The following GALNT13 variants were observed in gnomAD, a reference collection of about 807,000 sequenced individuals.
GALNT13 encodes polypeptide N-acetylgalactosaminyltransferase 13.
In GALNT13, 28 loss-of-function variants were observed where a neutral mutation model predicts 64.2. The observed-to-expected ratio is 0.44, with a 90% CI of 0.32 to 0.60. GALNT13 has a LOEUF of 0.60. Ranked by LOEUF, GALNT13 falls within the 20% of genes least tolerant of loss-of-function variation. The pLI, the probability that GALNT13 is intolerant of heterozygous loss-of-function variation, is 0.05. For missense variants in GALNT13, 577 were observed against 669.8 expected (o/e 0.86, Z 1.53); for synonymous variants, 214 against 224.6 (o/e 0.95, Z 0.42).
the GALNT13 span, among the ~76,000 whole-genome samples, chr2:153,305,165 T>G: frequency 6.6e-6 from 1 of 152,096 alleles, no homozygotes; most frequent in Non-Finnish European, 1.5e-5. Flanking sequence ...AGGTGCTTCG[T>G]GTATTGTGGT....
At chr2:153,754,448 C>T in the GALNT13 span, among the ~76,000 whole-genome samples, 2 of 152,112 alleles carry the variant, frequency 1.3e-5, no homozygotes, top group African/African-American at 2.4e-5. Context: ...CACTGGGTTC[C>T]CTTCTGGCCC....
chr2:153,726,952 A>T, the GALNT13 span, among the ~76,000 whole-genome samples: 18 of 120,172 alleles, frequency 1.5e-4, 1 homozygote, highest in East Asian at 2.7e-3. Flanking sequence ...AAAAAAAAAA[A>T]AAAACAAAAA....
chr2:154,352,660 A>G (rs1186308032), intron 9 of GALNT13, among the ~76,000 whole-genome samples: 1 of 152,218 alleles, frequency 6.6e-6, no homozygotes, highest in East Asian at 1.9e-4. Flanking sequence ...TAACTTGCCA[A>G]CACCACATTC....
At chr2:153,837,226 T>A in the GALNT13 span, among the ~76,000 whole-genome samples, 5 of 152,154 alleles carry the variant, frequency 3.3e-5, no homozygotes, top group African/African-American at 4.8e-5. Context: ...GATACCTCAT[T>A]GTGGTTTTGA....
chr2:153,502,874 TG>T, the GALNT13 span, among the ~76,000 whole-genome samples: 23 of 152,308 alleles, frequency 1.5e-4, no homozygotes, highest in Non-Finnish European at 2.2e-4. Context: ...TTTGGCCATT[TG>T]TATGTCTTCT....
chr2:153,970,386 T>C (rs1693659327), intron 3 of GALNT13, among the ~76,000 whole-genome samples: 1 of 152,180 alleles, frequency 6.6e-6, no homozygotes, highest in Non-Finnish European at 1.5e-5. Flanking sequence ...CCTGGTTTTC[T>C]ACCTCACTGA....
chr2:153,604,600 A>G, the GALNT13 span, among the ~76,000 whole-genome samples: 2 of 152,048 alleles, frequency 1.3e-5, no homozygotes, highest in Non-Finnish European at 2.9e-5. Context: ...CATACTTATT[A>G]GTTGGATTAT....
chr2:154,090,673 C>T (rs1701760279), intron 3 of GALNT13, among the ~76,000 whole-genome samples: 2 of 151,954 alleles, frequency 1.3e-5, no homozygotes, highest in Admixed American at 1.3e-4. Flanking sequence ...AGATATTCAA[C>T]TCAAATTTCC....
chr2:153,240,672 G>A, the GALNT13 span, among the ~76,000 whole-genome samples: 84 of 152,244 alleles, frequency 5.5e-4, no homozygotes, highest in Non-Finnish European at 8.8e-5. Context: ...GCTTCATGGC[G>A]AGGTTTATGT....
chr2:154,452,032 G>T lies in GALNT13; in HGVS notation c.*1481G>T, dbSNP rs963583942. ...TACACTGCTTTATAATGAAAATGAG[G>T]ACACTTTCTGATGGTCAGTAAAATC... On this transcript the variant is annotated 3_prime_UTR_variant, in exon 13 of 13. Transcript: ENST00000392825. The T allele has an allele frequency of 6.6e-6, 1 of 151,990 alleles. No individual in the cohort carries two copies. Among genetic ancestry groups the T allele is most frequent in the Non-Finnish European group, 1.5e-5 (1 of 67,990 alleles). The allele number at this position is 151,990 out of a possible 1,614,324, so 9.4% of individuals were successfully genotyped here. A position where few individuals can be genotyped will look rare whatever the true frequency, so the allele number is the denominator to read the frequency against.
At chr2:154,217,052 A>G (rs939696261) in intron 4 of GALNT13, among the ~76,000 whole-genome samples, 3 of 151,556 alleles carry the variant, frequency 2.0e-5, no homozygotes, top group Admixed American at 2.0e-4. Context: ...CGCAGCTTCC[A>G]AAAGCACTAA....
At chr2:154,359,074 T>G (rs1352585148) in intron 9 of GALNT13, among the ~76,000 whole-genome samples, 3 of 152,102 alleles carry the variant, frequency 2.0e-5, no homozygotes, top group Admixed American at 6.6e-5. Flanking sequence ...TAAAGTTTGG[T>G]GAATCAGAAC....
At chr2:154,058,056 A>G (rs937215885) in intron 3 of GALNT13, among the ~76,000 whole-genome samples, 22 of 152,126 alleles carry the variant, frequency 1.4e-4, no homozygotes, top group Non-Finnish European at 2.2e-4. Context: ...CCTGCCCCCA[A>G]TGTTATAGTA....
the GALNT13 span, among the ~76,000 whole-genome samples, chr2:153,207,092 A>T: frequency 6.6e-6 from 1 of 152,122 alleles, no homozygotes; most frequent in Admixed American, 6.5e-5. Flanking sequence ...TATCTTATAA[A>T]TGTTTTGCAT....
chr2:153,905,309 C>T (rs992786635), intron 2 of GALNT13, among the ~76,000 whole-genome samples: 6 of 151,882 alleles, frequency 4.0e-5, no homozygotes, highest in African/African-American at 1.4e-4. Flanking sequence ...ACTGGGGACA[C>T]ATTCCAAGAT....
chr2:153,918,748 C>T (rs1349398322), intron 2 of GALNT13, among the ~76,000 whole-genome samples: 2 of 152,128 alleles, frequency 1.3e-5, no homozygotes, highest in Non-Finnish European at 2.9e-5. Context: ...CTGATTCCTT[C>T]CTCTTGGCAT....
chr2:153,487,430 A>G, the GALNT13 span, among the ~76,000 whole-genome samples: 1 of 152,198 alleles, frequency 6.6e-6, no homozygotes, highest in Non-Finnish European at 1.5e-5. Context: ...TTTCCCTCCA[A>G]TATTTTTATG....
the GALNT13 span, among the ~76,000 whole-genome samples, chr2:153,479,008 T>C: frequency 2.6e-5 from 4 of 152,246 alleles, no homozygotes; most frequent in Non-Finnish European, 5.9e-5. Flanking sequence ...TGCTTGCTTC[T>C]TTTGCAAACT....
intron 4 of GALNT13, among the ~76,000 whole-genome samples, chr2:154,163,207 C>T (rs1684838761): frequency 7.0e-6 from 1 of 143,720 alleles, no homozygotes; most frequent in African/African-American, 2.6e-5. Context: ...TGTTCAATTC[C>T]CATCTATGAG....
Sources: allele counts gnomAD v4.1 joint callset (sites outside exome capture counted in the v4.1 genomes callset), GRCh38; gene constraint gnomAD v4.1.1; transcripts MANE v1.5; gene names NCBI Gene and HGNC (gene_info 2026-07-23, HGNC 2026-07-21).